The following BTBD9 variants were observed in gnomAD, a reference collection of about 807,000 sequenced individuals.
BTBD9 encodes BTB/POZ domain-containing protein 9.
In BTBD9, 49 loss-of-function variants were observed where a neutral mutation model predicts 64.3. That is an observed-to-expected ratio of 0.76 (90% CI 0.61 to 0.97). The LOEUF (loss-of-function observed/expected upper bound fraction) is 0.97. BTBD9 is among the 50% of genes least tolerant of loss of function. The pLI is 0.00. For missense variants in BTBD9, 598 were observed against 762.1 expected, an observed-to-expected ratio of 0.78 and a Z score of 2.53; for synonymous variants, 260 against 274.7, an observed-to-expected ratio of 0.95 and a Z score of 0.53.
intron 8 of BTBD9, among the ~76,000 whole-genome samples, chr6:38,271,375 C>T (rs1462438371): frequency 2.0e-5 from 3 of 151,990 alleles, no homozygotes; most frequent in African/African-American, 7.3e-5. Context: ...TTTTAATATT[C>T]CTATCTTTCA....
intron 10 of BTBD9, among the ~76,000 whole-genome samples, chr6:38,186,256 A>G (rs1761813745): frequency 6.6e-6 from 1 of 152,162 alleles, no homozygotes; most frequent in Non-Finnish European, 1.5e-5. Context: ...TTCATATATG[A>G]GGATTAAATC....
intron 7 of BTBD9, among the ~76,000 whole-genome samples, chr6:38,297,501 G>A (rs896996575): frequency 6.6e-6 from 1 of 152,152 alleles, no homozygotes; most frequent in Admixed American, 6.5e-5. Flanking sequence ...CTTCCTGGTA[G>A]ATTGAACCTT....
rs146988769 is a variant in BTBD9 at position 38,230,618 on chromosome 6, T to C, written c.1562+25791A>G. Among the ~76,000 whole-genome samples the C allele has an allele frequency of 1.4e-3, 218 of 150,862 alleles. 1 individual carries two copies. The highest frequency in any genetic ancestry group is 4.9e-3 in the African/African-American group (203 of 41,208). ...TCACACTACTTACCAAACCTAAAGG[T>C]CATATATGATCGGAGATCTACTGGC... is the stretch of plus-strand genomic sequence containing the variant. On this transcript the variant is annotated intron_variant, in intron 9 of 10. Coordinates refer to ENST00000481247, the MANE Select transcript of BTBD9 (RefSeq NM_001099272.2).
At chr6:38,424,969 TG>T (rs1366935466) in intron 6 of BTBD9, among the ~76,000 whole-genome samples, 1 of 151,754 alleles carries the variant, frequency 6.6e-6, no homozygotes, top group Non-Finnish European at 1.5e-5. Flanking sequence ...CTCCCGTAGC[TG>T]GGATTACAGG....
At chr6:38,291,939 T>C (rs978583656) in intron 7 of BTBD9, among the ~76,000 whole-genome samples, 7 of 152,026 alleles carry the variant, frequency 4.6e-5, no homozygotes, top group African/African-American at 1.7e-4. Flanking sequence ...ATCAGGGATA[T>C]TGGCCTGCAA....
intron 6 of BTBD9, among the ~76,000 whole-genome samples, chr6:38,371,446 T>C (rs973866799): frequency 6.6e-6 from 1 of 152,168 alleles, no homozygotes; most frequent in Non-Finnish European, 1.5e-5. Flanking sequence ...GGGTAGACCG[T>C]GAGCCTTCCT....
chr6:38,557,487 A>G (rs1775080279), intron 6 of BTBD9, among the ~76,000 whole-genome samples: 1 of 152,256 alleles, frequency 6.6e-6, no homozygotes, highest in Non-Finnish European at 1.5e-5. Context: ...GTGAAATACA[A>G]TAGTTGGACA....
chr6:38,278,314 A>C (rs578237516), intron 8 of BTBD9, among the ~76,000 whole-genome samples: 5 of 152,334 alleles, frequency 3.3e-5, no homozygotes, highest in African/African-American at 1.2e-4. Flanking sequence ...CAAAAAATAA[A>C]ACTGAAAAAA....
chr6:38,556,550 TGAGAGAGAGAGA>T (rs139812784), intron 6 of BTBD9, among the ~76,000 whole-genome samples: 1 of 61,610 alleles, frequency 1.6e-5, no homozygotes, highest in Non-Finnish European at 3.8e-5. Flanking sequence ...TGTGTGTGTG[TGAGAGAGAGAGA>T]GAGAGAGAGA....
At chr6:38,565,624 T>C (rs1008533121) in intron 6 of BTBD9, among the ~76,000 whole-genome samples, 5 of 152,220 alleles carry the variant, frequency 3.3e-5, no homozygotes, top group African/African-American at 1.2e-4. Context: ...GACCATGATT[T>C]GCTTGTCAGT....
intron 9 of BTBD9, among the ~76,000 whole-genome samples, chr6:38,242,142 G>A (rs964397913): frequency 3.3e-5 from 5 of 152,136 alleles, no homozygotes; most frequent in Admixed American, 1.3e-4. Context: ...CTGGAAGGTG[G>A]ATAGTTGACT....
intron 9 of BTBD9, among the ~76,000 whole-genome samples, chr6:38,200,617 C>T (rs1173096848): frequency 6.6e-6 from 1 of 152,088 alleles, no homozygotes; most frequent in Admixed American, 6.5e-5. Flanking sequence ...AAAAGATCAT[C>T]AAAGACTATT....
At chr6:38,350,067 C>T (rs1004256929) in intron 6 of BTBD9, among the ~76,000 whole-genome samples, 1 of 152,224 alleles carries the variant, frequency 6.6e-6, no homozygotes, top group Non-Finnish European at 1.5e-5. Flanking sequence ...AGGGAGACTG[C>T]TCAGGGCCAT....
intron 6 of BTBD9, among the ~76,000 whole-genome samples, chr6:38,506,140 G>T (rs1369719797): frequency 6.6e-6 from 1 of 151,962 alleles, no homozygotes; most frequent in African/African-American, 2.4e-5. Flanking sequence ...TGACCCCTCA[G>T]ACAATAGCCA....
At chr6:38,254,983 C>T (rs1250830319) in intron 9 of BTBD9, among the ~76,000 whole-genome samples, 1 of 152,168 alleles carries the variant, frequency 6.6e-6, no homozygotes, top group African/African-American at 2.4e-5. Context: ...CAGCATTATT[C>T]ATGATAGCCA....
chr6:38,491,341 G>A (rs1238804652), intron 6 of BTBD9, among the ~76,000 whole-genome samples: 1 of 152,188 alleles, frequency 6.6e-6, no homozygotes, highest in Admixed American at 6.5e-5. Context: ...TGTGTTGTGG[G>A]TGCCACCAAC....
chr6:38,548,640 T>C (rs2748155), intron 6 of BTBD9, among the ~76,000 whole-genome samples: 9,651 of 152,158 alleles, frequency 0.063, 646 homozygotes, highest in African/African-American at 0.16. Flanking sequence ...TAGAGATATG[T>C]AAATAGGTAA....
intron 6 of BTBD9, among the ~76,000 whole-genome samples, chr6:38,416,537 G>A (rs1214710298): frequency 6.9e-6 from 1 of 145,688 alleles, no homozygotes; most frequent in African/African-American, 2.6e-5. Context: ...GTACAGACAG[G>A]GCTTCACTTT....
chr6:38,476,729 G>C (rs1224591062), intron 6 of BTBD9, among the ~76,000 whole-genome samples: 1 of 152,146 alleles, frequency 6.6e-6, no homozygotes, highest in African/African-American at 2.4e-5. Flanking sequence ...AAGATAATAA[G>C]TGTCAAACCA....
Sources: allele counts gnomAD v4.1 joint callset (sites outside exome capture counted in the v4.1 genomes callset), GRCh38; gene constraint gnomAD v4.1.1; transcripts MANE v1.5; gene names NCBI Gene and HGNC (gene_info 2026-07-23, HGNC 2026-07-21).